Variants in TGM6 observed in about 807,000 individuals in gnomAD.
TGM6 encodes the protein transglutaminase 6.
A neutral mutation model predicts 77.5 loss-of-function variants in TGM6; 74 were observed. That is an observed-to-expected ratio of 0.96 (90% confidence interval 0.79 to 1.16). The LOEUF (loss-of-function observed/expected upper bound fraction) is 1.16. TGM6 is among the 50% of genes most tolerant of loss of function. TGM6 has a pLI of 0.00. For synonymous variants in TGM6, 383 were observed against 378.9 expected (o/e 1.01, Z -0.12); for missense variants, 968 against 940.2 (o/e 1.03, Z -0.39).
intron 10 of TGM6, among the ~76,000 whole-genome samples, chr20:2,427,326 A>G (rs2084894456): frequency 6.6e-6 from 1 of 152,018 alleles, no homozygotes. Context: ...TTTTTTTCCT[A>G]ACTCCCCAAA....
chr20:2,430,337 G>A, intron 10 of TGM6, 109 bp from the exon 11 acceptor site: 1 of 1,424,992 alleles, frequency 7.0e-7, no homozygotes, highest in Non-Finnish European at 9.9e-7. Context: ...CAGAATGGTT[G>A]CAAGGACCAG....
At chr20:2,394,313 A>G in intron 1 of TGM6, 139 bp from the exon 2 acceptor site, 1 of 1,048,912 alleles carries the variant, frequency 9.5e-7, no homozygotes, top group Non-Finnish European at 1.4e-6. Flanking sequence ...AAACAAACAA[A>G]CAAACAGAGA....
intron 10 of TGM6, among the ~76,000 whole-genome samples, chr20:2,419,596 A>G (rs1249057355): frequency 6.6e-6 from 1 of 152,230 alleles, no homozygotes; most frequent in Non-Finnish European, 1.5e-5. Flanking sequence ...AATGTATTTT[A>G]CTTCCAAATC....
chr20:2,411,738 C>T (rs989533071), intron 9 of TGM6, among the ~76,000 whole-genome samples: 2 of 152,098 alleles, frequency 1.3e-5, no homozygotes, highest in Non-Finnish European at 2.9e-5. Flanking sequence ...AAGTTAGACT[C>T]TTACATTATA....
At chr20:2,383,757 G>C (rs1387197480) in intron 1 of TGM6, among the ~76,000 whole-genome samples, 1 of 152,118 alleles carries the variant, frequency 6.6e-6, no homozygotes, top group African/African-American at 2.4e-5. Flanking sequence ...GTAGGAATTG[G>C]GGAGGGGAGG....
intron 7 of TGM6, among the ~76,000 whole-genome samples, chr20:2,402,489 A>C (rs1476724852): frequency 6.6e-6 from 1 of 152,142 alleles, no homozygotes; most frequent in Non-Finnish European, 1.5e-5. Context: ...TTCATGCAGA[A>C]AGCACAGACA....
At chr20:2,392,733 C>A (rs2084637094) in intron 1 of TGM6, among the ~76,000 whole-genome samples, 1 of 152,166 alleles carries the variant, frequency 6.6e-6, no homozygotes, top group African/African-American at 2.4e-5. Flanking sequence ...GAAACCTGGT[C>A]TCTACCAAAA....
chr20:2,415,512 G>C (rs987513887), intron 9 of TGM6, among the ~76,000 whole-genome samples: 1 of 152,118 alleles, frequency 6.6e-6, no homozygotes, highest in South Asian at 2.1e-4. Context: ...AAAGCTTGCC[G>C]GGACAGATTA....
intron 7 of TGM6, among the ~76,000 whole-genome samples, chr20:2,402,483 T>A (rs956057194): frequency 2.0e-5 from 3 of 152,186 alleles, no homozygotes; most frequent in Non-Finnish European, 4.4e-5. Flanking sequence ...CTTTTCTTCA[T>A]GCAGAAAGCA....
intron 10 of TGM6, among the ~76,000 whole-genome samples, chr20:2,419,302 G>T (rs961917818): frequency 5.9e-5 from 9 of 152,138 alleles, no homozygotes; most frequent in Non-Finnish European, 1.0e-4. Flanking sequence ...ATTAAACAAA[G>T]AAATTGTTGC....
At chr20:2,408,833 C>G (rs2122389187) in intron 9 of TGM6, among the ~76,000 whole-genome samples, 1 of 152,246 alleles carries the variant, frequency 6.6e-6, no homozygotes, top group East Asian at 1.9e-4. Context: ...AGCTGACATT[C>G]TAGTGGGGCA....
chr20:2,421,144 A>G (rs1458723920), intron 10 of TGM6, among the ~76,000 whole-genome samples: 3 of 151,912 alleles, frequency 2.0e-5, no homozygotes, highest in Admixed American at 6.6e-5. Context: ...ACACGACTAC[A>G]CCTAGTTAAT....
intron 10 of TGM6, among the ~76,000 whole-genome samples, chr20:2,429,688 G>A (rs191318803): frequency 6.6e-6 from 1 of 151,982 alleles, no homozygotes; most frequent in East Asian, 1.9e-4. Flanking sequence ...AGAATTGCTT[G>A]AACCCAGGAG....
At position 2,411,486 on chromosome 20, in the gene TGM6, G is replaced by A. The variant is rs113028721; in HGVS notation, c.1337-5746G>A. Among the ~76,000 whole-genome samples, 87 of 151,548 alleles carry A rather than the reference G, an allele frequency of 5.7e-4. 1 individual carries two copies. The highest frequency in any genetic ancestry group is 1.9e-3 in the African/African-American group (79 of 41,320). On this transcript the variant is annotated intron_variant, in intron 9 of 12. Coordinates refer to ENST00000202625, the MANE Select transcript of TGM6 (RefSeq NM_198994.3). The stretch of plus-strand genomic sequence containing the variant: ...AAAAACACTCAACAAATTAAGAATA[G>A]AAGTAAACTTCCTCAGTCTGATAAG...
At position 2,431,035 on chromosome 20, in the gene TGM6, C is replaced by G. The variant is rs1374995381; in HGVS notation, c.1967+8C>G. The G allele has an allele frequency of 6.2e-7, 1 of 1,613,734 alleles. No individual in the cohort carries two copies. The highest frequency in any genetic ancestry group is 8.5e-7 in the Non-Finnish European group (1 of 1,179,808). The stretch of plus-strand genomic sequence containing the variant: ...GGAACAGCTCAGCATCGAGTAAGTG[C>G]CAGCCTGGGGGGCTGGCAGGGAATG... On this transcript the variant is annotated splice_region_variant and intron_variant, in intron 12 of 12. Transcript: ENST00000202625.
intron 1 of TGM6, among the ~76,000 whole-genome samples, chr20:2,387,661 T>C (rs771849960): frequency 6.6e-6 from 1 of 152,224 alleles, no homozygotes; most frequent in Non-Finnish European, 1.5e-5. Flanking sequence ...GTTGTTGTGG[T>C]CTAGACAAGA....
intron 7 of TGM6, 25 bp downstream of exon 7, chr20:2,400,469 C>T: frequency 1.2e-6 from 2 of 1,613,834 alleles, no homozygotes; most frequent in Non-Finnish European, 8.5e-7. Flanking sequence ...CAGCCTAGGC[C>T]CGAGGGCTCT....
At chr20:2,384,857 G>A (rs182671894) in intron 1 of TGM6, among the ~76,000 whole-genome samples, 3 of 152,142 alleles carry the variant, frequency 2.0e-5, no homozygotes, top group East Asian at 3.9e-4. Flanking sequence ...CTGTGCCTGG[G>A]GGGTACAGCC....
In TGM6 at chr20:2,410,314, TG is replaced by T. The variant is rs1568664065; in HGVS notation, c.1336+6495del. Among the ~76,000 whole-genome samples the T allele has an allele frequency of 5.3e-5, 8 of 152,236 alleles. 1 individual carries two copies. Among genetic ancestry groups the T allele is most frequent in the South Asian group, 4.1e-4 (2 of 4,826 alleles). Reference sequence around the variant, plus strand: ...AATGGGGTTTGGAGAGGTTCCAGGTTGGGGAAGACATTGAGGTGCTGAGAGG... The same window carrying T: ...AATGGGGTTTGGAGAGGTTCCAGGTTGGGAAGACATTGAGGTGCTGAGAGG... On this transcript the variant is annotated intron_variant, in intron 9 of 12. Coordinates refer to ENST00000202625, the MANE Select transcript of TGM6 (RefSeq NM_198994.3).
Sources: allele counts gnomAD v4.1 joint callset (sites outside exome capture counted in the v4.1 genomes callset), GRCh38; gene constraint gnomAD v4.1.1; transcripts MANE v1.5; gene names NCBI Gene and HGNC (gene_info 2026-07-23, HGNC 2026-07-21).